The following MPPED2 variants were observed in gnomAD, a reference collection of about 807,000 sequenced individuals.
MPPED2 encodes the protein metallophosphoesterase MPPED2.
MPPED2 carries 5 observed loss-of-function variants against 33.0 expected under a neutral mutation model. The observed-to-expected ratio is 0.15, with a 90% CI of 0.08 to 0.32. MPPED2 has a LOEUF of 0.32. Among genes scored for constraint, MPPED2 ranks in the 10% least tolerant of loss-of-function variants. The pLI, the probability that MPPED2 is intolerant of heterozygous loss-of-function variation, is 1.00. For synonymous variants in MPPED2, 136 were observed against 141.9 expected (o/e 0.96, Z 0.29); for missense variants, 275 against 372.1 (o/e 0.74, Z 2.15).
At position 30,434,300 on chromosome 11, in the gene MPPED2, G is replaced by A. The variant is rs533910886; in HGVS notation, c.537-16667C>T. Among the ~76,000 whole-genome samples the A allele has an allele frequency of 1.8e-4, 28 of 152,216 alleles. No homozygotes were observed. The South Asian group carries it at 2.1e-3, about 11-fold the overall frequency. ...GGAGGTGGGCAGGGATCCAGAATTC[G>A]CAGGGGAAGGGGGAAGAGACAAGGT... On this transcript the variant is annotated intron_variant, in intron 4 of 6. Coordinates refer to ENST00000358117, the MANE Select transcript of MPPED2 (RefSeq NM_001584.3).
At chr11:30,579,215 C>T (rs1036487607) in intron 2 of MPPED2, among the ~76,000 whole-genome samples, 8 of 151,350 alleles carry the variant, frequency 5.3e-5, no homozygotes, top group Admixed American at 4.0e-4. Context: ...TTTGGGGTGT[C>T]CTACTATTTT....
chr11:30,571,252 T>C (rs1956676627), intron 2 of MPPED2, among the ~76,000 whole-genome samples: 1 of 151,792 alleles, frequency 6.6e-6, no homozygotes, highest in South Asian at 2.1e-4. Context: ...TCTTGATTTG[T>C]GGTAAAGAAG....
intron 2 of MPPED2, among the ~76,000 whole-genome samples, chr11:30,557,317 T>G (rs1012295825): frequency 7.9e-5 from 12 of 150,984 alleles, no homozygotes; most frequent in Non-Finnish European, 1.6e-4. Flanking sequence ...TAACTGGAGA[T>G]ATCAATTAAA....
intron 6 of MPPED2, among the ~76,000 whole-genome samples, chr11:30,400,515 T>C (rs551757162): frequency 5.9e-5 from 9 of 152,358 alleles, no homozygotes; most frequent in South Asian, 2.1e-4. Flanking sequence ...CATTCCAATA[T>C]TACTTTGCAG....
chr11:30,540,146 T>G (rs1460100111), intron 2 of MPPED2, among the ~76,000 whole-genome samples: 4 of 152,218 alleles, frequency 2.6e-5, no homozygotes, highest in Non-Finnish European at 5.9e-5. Flanking sequence ...CTTGATTTCT[T>G]TAAGCTTCAC....
At chr11:30,560,101 G>C (rs1278167412) in intron 2 of MPPED2, among the ~76,000 whole-genome samples, 1 of 152,150 alleles carries the variant, frequency 6.6e-6, no homozygotes, top group Non-Finnish European at 1.5e-5. Flanking sequence ...GGGAGGTGTT[G>C]TATGAAATAC....
chr11:30,387,959 C>T (rs58879509), exon 7 of MPPED2: 5,279 of 152,234 alleles, frequency 0.035, 185 homozygotes, highest in African/African-American at 0.086. Context: ...AAGGTGGGAG[C>T]TGGGGTGTGC....
chr11:30,528,138 T>TACAC (rs34244708), intron 3 of MPPED2, among the ~76,000 whole-genome samples: 30 of 151,534 alleles, frequency 2.0e-4, no homozygotes, highest in South Asian at 4.2e-4. Flanking sequence ...TTATACACAA[T>TACAC]ACACACACAC....
At chr11:30,543,076 A>G (rs1191577648) in intron 2 of MPPED2, among the ~76,000 whole-genome samples, 1 of 152,214 alleles carries the variant, frequency 6.6e-6, no homozygotes, top group Admixed American at 6.5e-5. Flanking sequence ...CCTAAACTAA[A>G]TAAGTCTCCT....
chr11:30,532,539 T>C (rs1954586372), intron 3 of MPPED2, among the ~76,000 whole-genome samples: 1 of 152,248 alleles, frequency 6.6e-6, no homozygotes, highest in African/African-American at 2.4e-5. Flanking sequence ...GGCCAGAGGT[T>C]GTTCTAAGAA....
intron 4 of MPPED2, among the ~76,000 whole-genome samples, chr11:30,432,475 C>A (rs1054724488): frequency 6.6e-6 from 1 of 152,146 alleles, no homozygotes. Context: ...ACAGCCTAAG[C>A]TTGACTAAAT....
intron 6 of MPPED2, among the ~76,000 whole-genome samples, chr11:30,391,764 T>C (rs914860407): frequency 1.3e-5 from 2 of 152,210 alleles, no homozygotes; most frequent in Non-Finnish European, 2.9e-5. Context: ...TATATATTTA[T>C]AGAATCAAAT....
chr11:30,452,381 C>T (rs923528540), intron 4 of MPPED2, among the ~76,000 whole-genome samples: 1 of 152,222 alleles, frequency 6.6e-6, no homozygotes, highest in Non-Finnish European at 1.5e-5. Context: ...CAGGCCCATC[C>T]TGTGGCACCC....
In MPPED2 at chr11:30,415,813, G is replaced by A. The variant is rs1275694332; in HGVS notation, c.653-1472C>T. Among the ~76,000 whole-genome samples, 3 of 152,128 alleles carry A rather than the reference G, an allele frequency of 2.0e-5. No individual in the cohort carries two copies. The East Asian group carries it at 5.8e-4, about 29-fold the overall frequency. ...CATTTGCTTTTATACCAAAATCAAT[G>A]ACTTGATAAGTTTGTTCTGTTCAAA... On this transcript the variant is annotated intron_variant, in intron 5 of 6. Coordinates refer to ENST00000358117, the MANE Select transcript of MPPED2 (RefSeq NM_001584.3).
At chr11:30,467,661 A>G (rs1268568937) in intron 4 of MPPED2, among the ~76,000 whole-genome samples, 1 of 152,188 alleles carries the variant, frequency 6.6e-6, no homozygotes, top group Non-Finnish European at 1.5e-5. Flanking sequence ...ACTCCAAGAG[A>G]CAAGACTCAG....
chr11:30,451,758 A>C (rs1950074131), intron 4 of MPPED2: 1 of 984,828 alleles, frequency 1.0e-6, no homozygotes. Flanking sequence ...ATTATTATGC[A>C]ATTTGAGGGG....
At chr11:30,495,874 G>T (rs942162278) in intron 3 of MPPED2, among the ~76,000 whole-genome samples, 1 of 152,064 alleles carries the variant, frequency 6.6e-6, no homozygotes, top group Non-Finnish European at 1.5e-5. Context: ...CTTAAGAGAA[G>T]GTCTGTACCT....
intron 6 of MPPED2, among the ~76,000 whole-genome samples, chr11:30,401,143 A>G (rs770082625): frequency 6.6e-5 from 10 of 152,196 alleles, no homozygotes; most frequent in Non-Finnish European, 1.0e-4. Flanking sequence ...GTGTTATAAA[A>G]ATAGTTTGGT....
intron 3 of MPPED2, among the ~76,000 whole-genome samples, chr11:30,508,682 CA>C (rs1952975601): frequency 6.6e-6 from 1 of 152,174 alleles, no homozygotes; most frequent in African/African-American, 2.4e-5. Flanking sequence ...TCCCTCCACA[CA>C]CTTAAACACT....
Sources: gnomAD v4.1 joint callset for allele counts (sites outside exome capture counted in the v4.1 genomes callset) on GRCh38, gnomAD v4.1.1 for gene constraint, MANE v1.5 for transcripts, NCBI Gene and HGNC (gene_info 2026-07-23, HGNC 2026-07-21) for gene names.